Variants in LTBP2 observed in about 807,000 individuals in gnomAD.
The protein encoded by LTBP2 is latent transforming growth factor beta binding protein 2.
Under a neutral mutation model 210.6 loss-of-function variants are expected in LTBP2, and 103 were observed. The ratio of observed to expected loss-of-function variants is 0.49; its 90% CI spans 0.42 to 0.58. The LOEUF (loss-of-function observed/expected upper bound fraction) is 0.58, where lower values mean the gene tolerates loss of function less well. LTBP2 is among the 20% of genes least tolerant of loss of function. The pLI, the probability that LTBP2 is intolerant of heterozygous loss-of-function variation, is 0.00. For synonymous variants in LTBP2, 1,007 were observed against 1,015.0 expected (o/e 0.99, Z 0.15); for missense variants, 2,313 against 2,494.5 (o/e 0.93, Z 1.55).
intron 2 of LTBP2, among the ~76,000 whole-genome samples, chr14:74,595,159 A>C (rs762094547): frequency 1.3e-5 from 2 of 152,170 alleles, no homozygotes; most frequent in African/African-American, 2.4e-5. Flanking sequence ...TGGCGGCTGG[A>C]GGGGAGGAAG....
At chr14:74,546,019 T>G (rs2087571217) in intron 8 of LTBP2, among the ~76,000 whole-genome samples, 1 of 152,182 alleles carries the variant, frequency 6.6e-6, no homozygotes. Context: ...TCAGGAATAG[T>G]GGCATTCTGT....
At chr14:74,539,404 G>C (rs2087463658) in intron 8 of LTBP2, among the ~76,000 whole-genome samples, 1 of 152,178 alleles carries the variant, frequency 6.6e-6, no homozygotes, top group Admixed American at 6.5e-5. Flanking sequence ...CAACTCTCTA[G>C]ATGTCAAGAG....
chr14:74,519,030 C>A (rs763941504), intron 17 of LTBP2, among the ~76,000 whole-genome samples: 6 of 152,156 alleles, frequency 3.9e-5, no homozygotes, highest in Non-Finnish European at 8.8e-5. Context: ...TAGAGAAAGA[C>A]CAGGTTCTTA....
At chr14:74,573,407 T>C (rs1203523371) in intron 3 of LTBP2, among the ~76,000 whole-genome samples, 1 of 152,252 alleles carries the variant, frequency 6.6e-6, no homozygotes, top group Admixed American at 6.5e-5. Context: ...CTCTGCCTTC[T>C]GGTCCAGTTC....
intron 3 of LTBP2, among the ~76,000 whole-genome samples, chr14:74,570,088 C>T (rs1195003134): frequency 6.6e-6 from 1 of 151,940 alleles, no homozygotes; most frequent in African/African-American, 2.4e-5. Context: ...GCAAGTGCTA[C>T]AGGAGATTGG....
At chr14:74,525,959 C>T in intron 14 of LTBP2, 116 bp downstream of exon 14, 1 of 1,134,230 alleles carries the variant, frequency 8.8e-7, no homozygotes, top group Non-Finnish European at 1.3e-6. Context: ...CCTTCTCACC[C>T]TCCTCTGATG....
chr14:74,553,086 AG>A, intron 4 of LTBP2, 24 bp from the exon 5 acceptor site: 1 of 1,613,098 alleles, frequency 6.2e-7, no homozygotes, highest in Non-Finnish European at 8.5e-7. Context: ...GCTTGGGTCC[AG>A]GGGGCAGGGC....
intron 1 of LTBP2, among the ~76,000 whole-genome samples, chr14:74,604,424 G>A (rs1418217078): frequency 1.3e-5 from 2 of 152,170 alleles, no homozygotes; most frequent in Admixed American, 1.3e-4. Flanking sequence ...GTGGCAAGCT[G>A]GTAGGAGGAT....
chr14:74,545,836 T>G (rs747935458), intron 8 of LTBP2, among the ~76,000 whole-genome samples: 1 of 152,170 alleles, frequency 6.6e-6, no homozygotes, highest in Non-Finnish European at 1.5e-5. Context: ...TCCTGGGAGT[T>G]CAGCTGGGTA....
In LTBP2 at chr14:74,529,079, C is replaced by A; in HGVS notation, c.2031G>T (p.Ser677=). The change falls in exon 11 of 36, where the codon TCG becomes TCT. Residue 677 remains serine (S), a synonymous_variant. Transcript: ENST00000261978. Reference sequence around the variant, plus strand: ...GCAGGGTGCAGGTGCCGGGCCCCAGCGACCGGTAGCACAGTCCCTGCAGCA... The same window carrying A: ...GCAGGGTGCAGGTGCCGGGCCCCAGAGACCGGTAGCACAGTCCCTGCAGCA... ...ISMLQGLCYR[S]LGPGTCTLPL... The A allele has an allele frequency of 6.4e-7, 1 of 1,555,396 alleles. No homozygotes were observed. Among genetic ancestry groups the A allele is most frequent in the Non-Finnish European group, 8.7e-7 (1 of 1,149,360 alleles).
chr14:74,560,532 C>T (rs560287259), intron 3 of LTBP2, among the ~76,000 whole-genome samples: 13 of 152,312 alleles, frequency 8.5e-5, no homozygotes, highest in African/African-American at 2.4e-4. Context: ...ACACCCTGCC[C>T]GACACACTAA....
rs567902957 is a variant in LTBP2, at chr14:74,596,054, C to T, written c.565+7581G>A. Among the ~76,000 whole-genome samples, 8 of 151,902 alleles carry T rather than the reference C, an allele frequency of 5.3e-5. No homozygotes were observed. The East Asian group carries it at 5.8e-4, about 11-fold the overall frequency. ...ACAAAAATACAAAAATTAGTCAAAA[C>T]GTCTCTATAAAAATACAAAAATTAG... On this transcript the variant is annotated intron_variant, in intron 2 of 35. Transcript: ENST00000261978.
intron 2 of LTBP2, among the ~76,000 whole-genome samples, chr14:74,594,285 T>C (rs1243384244): frequency 6.6e-6 from 1 of 152,104 alleles, no homozygotes; most frequent in African/African-American, 2.4e-5. Flanking sequence ...TTGCCCTCCA[T>C]CTATGACCCG....
intron 3 of LTBP2, among the ~76,000 whole-genome samples, chr14:74,571,193 A>C (rs916205220): frequency 6.6e-6 from 1 of 152,142 alleles, no homozygotes; most frequent in Non-Finnish European, 1.5e-5. Flanking sequence ...TTAGCTGAGC[A>C]TGGTGGTGGG....
chr14:74,606,683 C>A (rs1165294843), intron 1 of LTBP2, among the ~76,000 whole-genome samples: 1 of 152,132 alleles, frequency 6.6e-6, no homozygotes, highest in Non-Finnish European at 1.5e-5. Flanking sequence ...CCCGTCTCTA[C>A]TAAAAATTAG....
chr14:74,535,304 C>A (rs1008737197), intron 9 of LTBP2, among the ~76,000 whole-genome samples: 2 of 152,106 alleles, frequency 1.3e-5, no homozygotes, highest in African/African-American at 4.8e-5. Context: ...TGTCTCTGAC[C>A]CAGCTCCACC....
chr14:74,552,201 A>G lies in LTBP2; in HGVS notation c.1385T>C (p.Leu462Pro). 2 of 1,588,792 alleles carry G rather than the reference A, an allele frequency of 1.3e-6. No homozygotes were observed. Among genetic ancestry groups the G allele is most frequent in the Non-Finnish European group, 1.7e-6 (2 of 1,167,884 alleles). The change falls in exon 6 of 36, where the codon CTC becomes CCC. Residue 462 changes from leucine to proline, a missense_variant. Coordinates refer to ENST00000261978, the MANE Select transcript of LTBP2 (RefSeq NM_000428.3). ...CCGGCACTCACCCAGCTGGTTGGAG[A>G]GCGGCAGTGTGAAAGTGGACTGCTT... is the stretch of plus-strand genomic sequence containing the variant. Reference protein sequence around the residue: ...PLKQSTFTLPLSNQLASVNPS... With the variant: ...PLKQSTFTLPPSNQLASVNPS...
chr14:74,527,668 C>T (rs746228427), intron 12 of LTBP2, among the ~76,000 whole-genome samples: 1 of 152,212 alleles, frequency 6.6e-6, no homozygotes, highest in Non-Finnish European at 1.5e-5. Context: ...GTCCCACCTG[C>T]TCCCGGACCT....
At chr14:74,569,851 G>A (rs2139770809) in intron 3 of LTBP2, among the ~76,000 whole-genome samples, 1 of 152,194 alleles carries the variant, frequency 6.6e-6, no homozygotes, top group South Asian at 2.1e-4. Context: ...AAGGTAGCTG[G>A]CCCAAGCTCA....
Sources: gnomAD v4.1 joint callset for allele counts (sites outside exome capture counted in the v4.1 genomes callset) on GRCh38, gnomAD v4.1.1 for gene constraint, MANE v1.5 for transcripts, NCBI Gene and HGNC (gene_info 2026-07-23, HGNC 2026-07-21) for gene names.